Variants in COQ8B observed in about 807,000 individuals in gnomAD.
The protein encoded by COQ8B is coenzyme Q8B.
Under a neutral mutation model 62.0 loss-of-function variants are expected in COQ8B, and 44 were observed. The observed-to-expected ratio is 0.71, with a 90% confidence interval of 0.56 to 0.91. COQ8B has a LOEUF of 0.91. Ranked by LOEUF, COQ8B falls within the 40% of genes least tolerant of loss-of-function variation. COQ8B has a pLI of 0.00. For missense variants in COQ8B, 649 were observed against 731.6 expected, an observed-to-expected ratio of 0.89 and a Z score of 1.30; for synonymous variants, 252 against 289.9, an observed-to-expected ratio of 0.87 and a Z score of 1.33.
At chr19:40,700,707 C>T in intron 10 of COQ8B, 1 of 493,416 alleles carries the variant, frequency 2.0e-6, no homozygotes, top group South Asian at 3.2e-5. Context: ...TCACCACTTC[C>T]CTACCCGAAA....
intron 5 of COQ8B, among the ~76,000 whole-genome samples, chr19:40,706,293 G>A (rs1475833232): frequency 2.0e-5 from 3 of 152,172 alleles, no homozygotes; most frequent in Non-Finnish European, 2.9e-5. Context: ...GGGTCTGAGA[G>A]ATCAAACTAT....
At chr19:40,697,592 T>G in intron 12 of COQ8B, among the ~76,000 whole-genome samples, 1 of 149,228 alleles carries the variant, frequency 6.7e-6, no homozygotes, top group Non-Finnish European at 1.5e-5. Flanking sequence ...AGGTCAGGAG[T>G]TCAAGATCAG....
intron 14 of COQ8B, among the ~76,000 whole-genome samples, chr19:40,692,604 A>C (rs2081981906): frequency 6.6e-6 from 1 of 151,904 alleles, no homozygotes; most frequent in Non-Finnish European, 1.5e-5. Context: ...TCCAACAGAC[A>C]AGTAGCCCTC....
chr19:40,699,296 T>G (rs1199442472), intron 12 of COQ8B, among the ~76,000 whole-genome samples: 1 of 152,032 alleles, frequency 6.6e-6, no homozygotes, highest in Non-Finnish European at 1.5e-5. Flanking sequence ...AAGCCTCCCT[T>G]AATCCCTGCT....
chr19:40,699,596 G>A (rs1487995228), intron 12 of COQ8B, among the ~76,000 whole-genome samples: 1 of 152,208 alleles, frequency 6.6e-6, no homozygotes, highest in Non-Finnish European at 1.5e-5. Flanking sequence ...GAGTGTGGTA[G>A]TGATGGCTAA....
At chr19:40,693,853 C>A (rs1185986908) in intron 13 of COQ8B, among the ~76,000 whole-genome samples, 1 of 149,198 alleles carries the variant, frequency 6.7e-6, no homozygotes, top group Non-Finnish European at 1.5e-5. Context: ...GGAAGCAGAC[C>A]CGGAGTAGGG....
At chr19:40,709,660 A>AT (rs1385090808) in intron 5 of COQ8B, among the ~76,000 whole-genome samples, 1 of 152,168 alleles carries the variant, frequency 6.6e-6, no homozygotes, top group African/African-American at 2.4e-5. Flanking sequence ...CCTGGCCAAC[A>AT]TGGTGAAACC....
Position 40,700,375 on chromosome 19 carries a change from T to G in COQ8B, c.970A>C (p.Met324Leu). Residue 324 changes from methionine to leucine, a missense_variant, in exon 11 of 15, where the codon ATG (methionine) becomes CTG (leucine). Met to Leu is a conservative substitution (Grantham distance 15). Coordinates refer to ENST00000324464, the MANE Select transcript of COQ8B (RefSeq NM_024876.4). ...KELCTTRVLGMELAGGVPLDQ... is the reference protein window; with the variant it reads ...KELCTTRVLGLELAGGVPLDQ... ...AGGGGGACCCCTCCAGCCAGCTCCA[T>G]GCCCAGCACCCGTGTCGTGCACAGC... 1 of 1,614,190 alleles carries G rather than the reference T, an allele frequency of 6.2e-7. No individual in the cohort carries two copies. The highest frequency in any genetic ancestry group is 8.5e-7 in the Non-Finnish European group (1 of 1,180,020).
At chr19:40,708,757 C>T (rs1291685195) in intron 5 of COQ8B, among the ~76,000 whole-genome samples, 2 of 151,726 alleles carry the variant, frequency 1.3e-5, no homozygotes, top group Non-Finnish European at 1.5e-5. Flanking sequence ...GCAAAACCTT[C>T]TCTCTACAAA....
rs58313890 is a variant in COQ8B, at chr19:40,697,875, G to GAGAGAGAGAGAGAGAGAGAGAGGC, written c.1144-1822_1144-1821insGCCTCTCTCTCTCTCTCTCTCTCT. Among the ~76,000 whole-genome samples, 17 of 103,470 alleles carry GAGAGAGAGAGAGAGAGAGAGAGGC rather than the reference G, an allele frequency of 1.6e-4. No individual in the cohort carries two copies. In the East Asian group the frequency reaches 1.8e-3, roughly 11 times the overall value. The allele number at this position is 103,470 out of a possible 152,430, so 67.9% of individuals were successfully genotyped here. A position where few individuals can be genotyped will look rare whatever the true frequency, so the allele number is the denominator to read the frequency against. On this transcript the variant is annotated intron_variant, in intron 12 of 14. Transcript: ENST00000324464. ...ATAGAGAGAGAGAGAGAGAGAGAGA[G>GAGAGAGAGAGAGAGAGAGAGAGGC]AGTTTCTACTGGGCGTTCATGCAAA...
Position 40,702,763 on chromosome 19 carries a change from C to T in COQ8B, c.800-70G>A, listed in dbSNP as rs2082070391. 6 of 1,407,000 alleles carry T rather than the reference C, an allele frequency of 4.3e-6. 1 individual carries two copies. In the South Asian group the frequency reaches 6.9e-5, roughly 16 times the overall value. The allele number at this position is 1,407,000 out of a possible 1,614,324, so 87.2% of individuals were successfully genotyped here. On this transcript the variant is annotated intron_variant, in intron 9 of 14. Coordinates refer to ENST00000324464, the MANE Select transcript of COQ8B (RefSeq NM_024876.4). ...CTGGTGGATGCCTTCTCCTGCCAACCCTCTCTCTCCTGTCTCCCGCGCTGT... is the reference window on the plus strand; with the variant it reads ...CTGGTGGATGCCTTCTCCTGCCAACTCTCTCTCTCCTGTCTCCCGCGCTGT...
chr19:40,714,994 G>A (rs2082174179), intron 1 of COQ8B: 13 of 1,023,088 alleles, frequency 1.3e-5, no homozygotes, highest in Admixed American at 5.6e-5. Context: ...CAATTCCTCC[G>A]GTGTCCCCCC....
intron 7 of COQ8B, 199 bp downstream of exon 7, chr19:40,704,897 C>A: frequency 3.6e-6 from 2 of 552,608 alleles, no homozygotes; most frequent in Non-Finnish European, 3.2e-6. Context: ...GGAACTGAAG[C>A]ACAGAGAGGT....
At chr19:40,712,092 G>A (rs755283372) in intron 4 of COQ8B, among the ~76,000 whole-genome samples, 2 of 151,578 alleles carry the variant, frequency 1.3e-5, no homozygotes, top group Non-Finnish European at 2.9e-5. Context: ...GTGCGATCTT[G>A]GTTCACTGCA....
chr19:40,700,389 G>A lies in COQ8B; in HGVS notation c.956C>T (p.Thr319Ile), dbSNP rs375857990. 7 of 1,614,074 alleles carry A rather than the reference G, an allele frequency of 4.3e-6. No homozygotes were observed. Among genetic ancestry groups the A allele is most frequent in the Non-Finnish European group, 5.9e-6 (7 of 1,180,044 alleles). Residue 319 changes from threonine to isoleucine, a missense_variant, in exon 11 of 15, where the codon ACA becomes ATA. Physicochemically the swap from Thr to Ile is moderately conservative, Grantham distance 89. Coordinates refer to ENST00000324464, the MANE Select transcript of COQ8B (RefSeq NM_024876.4). The stretch of plus-strand genomic sequence containing the variant: ...AGCCAGCTCCATGCCCAGCACCCGT[G>A]TCGTGCACAGCTCCTTAACCACGGC... ...VPAVVKELCT[T>I]RVLGMELAGG...
intron 4 of COQ8B, 31 bp from the exon 5 acceptor site, chr19:40,710,167 G>T: frequency 6.2e-7 from 1 of 1,607,990 alleles, no homozygotes; most frequent in Non-Finnish European, 8.5e-7. Context: ...ATGAGTGCCC[G>T]TTTGCCTGGG....
In COQ8B at chr19:40,691,914, G is replaced by A. The variant is rs559941743; in HGVS notation, c.*121C>T. The A allele has an allele frequency of 2.1e-6, 2 of 962,360 alleles. No homozygotes were observed. Among genetic ancestry groups the A allele is most frequent in the East Asian group, 6.2e-5 (2 of 32,472 alleles). The allele number at this position is 962,360 out of a possible 1,614,324, so 59.6% of individuals were successfully genotyped here. ...TCCTGAGCTCCTGGGCCAAGGAGGA[G>A]AGCCAGGCAAGACTGGGAAGCCCAA... On this transcript the variant is annotated 3_prime_UTR_variant, in exon 15 of 15. Transcript: ENST00000324464.
At chr19:40,700,510 G>T (rs1199874130) in intron 10 of COQ8B, 59 bp from the exon 11 acceptor site, 1 of 1,576,850 alleles carries the variant, frequency 6.3e-7, no homozygotes, top group African/African-American at 1.3e-5. Context: ...GACCCAGCTT[G>T]AGACCTCCTC....
At chr19:40,711,609 C>T (rs2082142557) in intron 4 of COQ8B, among the ~76,000 whole-genome samples, 1 of 152,174 alleles carries the variant, frequency 6.6e-6, no homozygotes, top group Admixed American at 6.6e-5. Flanking sequence ...CTCTTTTCCT[C>T]CCTTTGATGT....
Sources: allele counts gnomAD v4.1 joint callset (sites outside exome capture counted in the v4.1 genomes callset), GRCh38; gene constraint gnomAD v4.1.1; transcripts MANE v1.5; gene names NCBI Gene and HGNC (gene_info 2026-07-23, HGNC 2026-07-21).